Variants in DMD observed in about 807,000 individuals in gnomAD.
DMD encodes mutant dystrophin.
In DMD, 63 loss-of-function variants were observed where a neutral mutation model predicts 330.1. That is an observed-to-expected ratio of 0.19 (90% confidence interval 0.16 to 0.24). DMD has a LOEUF of 0.24. DMD is among the 10% of genes least tolerant of loss of function. The probability of loss-of-function intolerance (pLI) is 1.00; values close to 1 mark genes in which losing one functional copy is unlikely to be tolerated. For missense variants in DMD, 3,344 were observed against 2,684.1 expected (o/e 1.25, Z -5.43); for synonymous variants, 1,223 against 959.8 (o/e 1.27, Z -5.07).
chrX:32,931,492 A>G (rs1229865700), intron 2 of DMD, among the ~76,000 whole-genome samples: 1 of 111,974 alleles, frequency 8.9e-6, no homozygotes, highest in African/African-American at 3.2e-5. Flanking sequence ...TGATTTGCTG[A>G]ATCTTTTGTT....
chrX:31,988,337 G>T (rs1430807658), intron 44 of DMD, among the ~76,000 whole-genome samples: 1 of 107,300 alleles, frequency 9.3e-6, no homozygotes, highest in Non-Finnish European at 1.9e-5. Flanking sequence ...ACCCGGACGT[G>T]GTGGCGGCCG....
chrX:32,658,587 C>A (rs1298978825), intron 9 of DMD, among the ~76,000 whole-genome samples: 1 of 111,116 alleles, frequency 9.0e-6, no homozygotes, highest in African/African-American at 3.3e-5. Context: ...AAATTGCTTC[C>A]CACATTTAAA....
At chrX:31,686,486 C>T (rs1245253311) in intron 52 of DMD, among the ~76,000 whole-genome samples, 1 of 112,233 alleles carries the variant, frequency 8.9e-6, no homozygotes, top group East Asian at 2.8e-4. Flanking sequence ...GAACAAATGT[C>T]CTCTGAATTT....
chrX:32,222,427 C>A (rs1307317545), intron 43 of DMD, among the ~76,000 whole-genome samples: 1 of 111,636 alleles, frequency 9.0e-6, no homozygotes, highest in Non-Finnish European at 1.9e-5. Flanking sequence ...TAACAAAGAT[C>A]AGAGCAGAAC....
intron 9 of DMD, among the ~76,000 whole-genome samples, chrX:32,676,552 G>A (rs1469791400): frequency 9.0e-6 from 1 of 111,190 alleles, no homozygotes; most frequent in Non-Finnish European, 1.9e-5. Flanking sequence ...TTTACACTAT[G>A]TGTACACAAA....
intron 7 of DMD, among the ~76,000 whole-genome samples, chrX:32,711,507 T>A (rs1214422694): frequency 9.0e-6 from 1 of 111,707 alleles, no homozygotes; most frequent in East Asian, 2.8e-4. Flanking sequence ...AGAAAACACA[T>A]CCCATTGACG....
At chrX:32,640,488 T>C (rs905986357) in intron 11 of DMD, among the ~76,000 whole-genome samples, 5 of 110,683 alleles carry the variant, frequency 4.5e-5, no homozygotes. Flanking sequence ...TAATATTTCT[T>C]GTTTTGCATA....
chrX:31,225,537 G>C (rs16989455), intron 63 of DMD, among the ~76,000 whole-genome samples: 3,331 of 112,124 alleles, frequency 0.03, 127 homozygotes, highest in African/African-American at 0.1. Flanking sequence ...AAAATGTCCA[G>C]CTGTGGTTCA....
At chrX:32,334,032 G>C (rs780497686) in intron 41 of DMD, among the ~76,000 whole-genome samples, 3 of 111,207 alleles carry the variant, frequency 2.7e-5, no homozygotes, top group Non-Finnish European at 3.8e-5. Context: ...CATCTTTCTG[G>C]AAGCTGATAC....
At chrX:32,078,999 T>A (rs946934618) in intron 44 of DMD, among the ~76,000 whole-genome samples, 1 of 112,060 alleles carries the variant, frequency 8.9e-6, no homozygotes, top group Non-Finnish European at 1.9e-5. Context: ...ACCCCTTTTT[T>A]CTTTGTTTTG....
intron 11 of DMD, among the ~76,000 whole-genome samples, chrX:32,621,041 G>A (rs754185020): frequency 2.7e-5 from 3 of 111,187 alleles, no homozygotes; most frequent in Non-Finnish European, 5.7e-5. Flanking sequence ...TATGGATGGC[G>A]GGTGAGGGCC....
intron 62 of DMD, 110 bp downstream of exon 62, chrX:31,323,472 TCAGGAAAAAAAAGACA>T: frequency 3.3e-6 from 2 of 604,414 alleles, no homozygotes; most frequent in Non-Finnish European, 5.4e-6. Flanking sequence ...CCAAGCTTCC[TCAGGAAAAAAAAGACA>T]CAGGTATTGT....
chrX:31,453,788 A>AAAC (rs1569543812), intron 59 of DMD, among the ~76,000 whole-genome samples: 4 of 105,013 alleles, frequency 3.8e-5, no homozygotes, highest in African/African-American at 1.4e-4. Flanking sequence ...AAAAAAAAAA[A>AAAC]AACCACAAAA....
At chrX:32,607,259 G>A (rs1339277310) in intron 12 of DMD, among the ~76,000 whole-genome samples, 1 of 110,262 alleles carries the variant, frequency 9.1e-6, no homozygotes, top group Admixed American at 9.7e-5. Context: ...TTTCATTTCT[G>A]ACGTATTCAC....
intron 44 of DMD, among the ~76,000 whole-genome samples, chrX:32,196,863 G>A (rs1334368763): frequency 2.8e-5 from 3 of 108,226 alleles, no homozygotes; most frequent in African/African-American, 1.0e-4. Context: ...GCCAGCGCCT[G>A]TAGTACCAGC....
At chrX:32,919,486 G>T (rs2088178058) in intron 2 of DMD, among the ~76,000 whole-genome samples, 1 of 111,872 alleles carries the variant, frequency 8.9e-6, no homozygotes, top group South Asian at 3.8e-4. Context: ...AGAACATAAA[G>T]CTACACCTTA....
At chrX:31,730,274 G>T (rs1364114591) in intron 51 of DMD, among the ~76,000 whole-genome samples, 1 of 111,569 alleles carries the variant, frequency 9.0e-6, no homozygotes, top group African/African-American at 3.3e-5. Context: ...CTCCTAAGCT[G>T]CCTGTCCGTA....
chrX:32,953,669 A>C (rs1176728438), intron 2 of DMD, among the ~76,000 whole-genome samples: 1 of 112,299 alleles, frequency 8.9e-6, no homozygotes, highest in Non-Finnish European at 1.9e-5. Flanking sequence ...AATGACCTGT[A>C]ATAAAGTTTA....
intron 1 of DMD, among the ~76,000 whole-genome samples, chrX:33,044,690 A>G (rs2094352718): frequency 8.9e-6 from 1 of 111,882 alleles, no homozygotes; most frequent in Non-Finnish European, 1.9e-5. Context: ...AAGGAGATGC[A>G]AGAGAATGCT....
Sources: allele counts gnomAD v4.1 joint callset (sites outside exome capture counted in the v4.1 genomes callset), GRCh38; gene constraint gnomAD v4.1.1; transcripts MANE v1.5; gene names NCBI Gene and HGNC (gene_info 2026-07-23, HGNC 2026-07-21).